The following HPF1 variants were observed in gnomAD, a reference collection of about 807,000 sequenced individuals.
HPF1 encodes histone PARylation factor 1, also known as UPF0609 protein C4orf27.
Under a neutral mutation model 38.8 loss-of-function variants are expected in HPF1, and 35 were observed. That is an observed-to-expected ratio of 0.90 (90% CI 0.69 to 1.19). The LOEUF is 1.19. HPF1 is among the 50% of genes most tolerant of loss of function. HPF1 has a pLI of 0.00. For missense variants in HPF1, 367 were observed against 405.8 expected (o/e 0.90, Z 0.82); for synonymous variants, 115 against 139.2 (o/e 0.83, Z 1.22).
chr4:169,756,229 G>C (rs1228478556), intron 1 of HPF1, among the ~76,000 whole-genome samples: 1 of 152,090 alleles, frequency 6.6e-6, no homozygotes, highest in Non-Finnish European at 1.5e-5. Context: ...TAACCTCATC[G>C]TACAGCTGAG....
At chr4:169,743,879 G>GA (rs757305554) in intron 4 of HPF1, among the ~76,000 whole-genome samples, 6,582 of 146,188 alleles carry the variant, frequency 0.045, 198 homozygotes, top group Admixed American at 0.072. Flanking sequence ...TACTTATCAG[G>GA]AAAAAAAAAA....
intron 5 of HPF1, 52 bp from the exon 6 acceptor site, chr4:169,737,799 A>AG (rs112978253): frequency 1.4e-5 from 16 of 1,119,416 alleles, no homozygotes; most frequent in African/African-American, 8.7e-5. Flanking sequence ...ACATCAAAAA[A>AG]AAAAATCCCC....
At chr4:169,746,992 TAAA>T (rs759955706) in intron 4 of HPF1, among the ~76,000 whole-genome samples, 17 of 142,756 alleles carry the variant, frequency 1.2e-4, no homozygotes, top group African/African-American at 1.8e-4. Flanking sequence ...TATCTTTTTT[TAAA>T]AAAAAAAAAA....
chr4:169,750,480 T>C lies in HPF1; in HGVS notation c.398+56A>G, dbSNP rs1264671129. 3.8e-6 allele frequency: 5 copies of C among 1,308,392 alleles called. No homozygotes were observed. In the East Asian group the frequency reaches 1.2e-4, roughly 31 times the overall value. 81.0% of individuals were successfully genotyped at this position (1,308,392 alleles called of 1,614,324 possible). A position where few individuals can be genotyped will look rare whatever the true frequency, so the allele number is the denominator to read the frequency against. On this transcript the variant is annotated intron_variant, in intron 3 of 7. Transcript: ENST00000393381. ...TGGGTGAGGCTAGTGAATAACTATT[T>C]ATCCTCATTAGCAGGACAGCAGCTG...
chr4:169,734,821 A>G (rs999761855), intron 6 of HPF1, among the ~76,000 whole-genome samples: 2 of 152,240 alleles, frequency 1.3e-5, no homozygotes, highest in African/African-American at 2.4e-5. Flanking sequence ...TACTTCGGAT[A>G]GTAGTATGCA....
intron 6 of HPF1, 65 bp from the exon 7 acceptor site, chr4:169,731,941 TAAG>T (rs1733835791): frequency 5.2e-6 from 7 of 1,337,260 alleles, no homozygotes; most frequent in African/African-American, 1.5e-5. Flanking sequence ...TCTTCAAAAG[TAAG>T]AAGATTATAA....
chr4:169,731,418 A>G (rs1036891307), intron 7 of HPF1, among the ~76,000 whole-genome samples: 3 of 152,240 alleles, frequency 2.0e-5, no homozygotes, highest in African/African-American at 7.2e-5. Context: ...GTGTCTAATG[A>G]GTAAATTCAC....
intron 2 of HPF1, among the ~76,000 whole-genome samples, chr4:169,751,588 G>A (rs1316035757): frequency 2.6e-5 from 4 of 152,022 alleles, no homozygotes; most frequent in Non-Finnish European, 5.9e-5. Flanking sequence ...AAGACATGAA[G>A]TCTGTGCAAG....
chr4:169,756,272 T>C (rs1363636646), intron 1 of HPF1, among the ~76,000 whole-genome samples: 8 of 152,088 alleles, frequency 5.3e-5, no homozygotes, highest in Non-Finnish European at 7.4e-5. Context: ...CGTCCCTAAC[T>C]AGGAAGTGGA....
At chr4:169,745,663 A>G (rs1327261865) in intron 4 of HPF1, among the ~76,000 whole-genome samples, 2 of 152,172 alleles carry the variant, frequency 1.3e-5, no homozygotes, top group African/African-American at 4.8e-5. Context: ...TAATACATGT[A>G]TACTCCAACA....
rs765737535 is a variant in HPF1, at chr4:169,757,872, G to T, written c.6C>A (p.Val2=). M[V]GGGGKRRPGG... ...CGGGCCTGCGCTTCCCGCCACCGCCGACCATTCTGCAGCTGCAGCGCCAGC... is the reference window on the plus strand; with the variant it reads ...CGGGCCTGCGCTTCCCGCCACCGCCTACCATTCTGCAGCTGCAGCGCCAGC... The change falls in exon 1 of 8, where the codon GTC becomes GTA. Residue 2 remains valine, a synonymous_variant. Coordinates refer to ENST00000393381, the MANE Select transcript of HPF1 (RefSeq NM_017867.3). 1 of 1,560,364 alleles carries T rather than the reference G, an allele frequency of 6.4e-7. No individual in the cohort carries two copies. Among genetic ancestry groups the T allele is most frequent in the Admixed American group, 1.8e-5 (1 of 55,008 alleles).
rs141924328 is a variant in HPF1, at chr4:169,741,151, G to C, written c.648+806C>G. 5.2e-4 allele frequency among the ~76,000 whole-genome samples: 79 copies of C among 152,284 alleles called. 1 individual carries two copies. In the East Asian group the frequency reaches 0.015, roughly 29 times the overall value. ...AATGTCACCCCTGCAGCTGAATCAAGATCAGAGAAGGAACTGAAGTAGGAT... is the reference window on the plus strand; with the variant it reads ...AATGTCACCCCTGCAGCTGAATCAACATCAGAGAAGGAACTGAAGTAGGAT... On this transcript the variant is annotated intron_variant, in intron 5 of 7. Transcript: ENST00000393381.
At chr4:169,742,996 G>C (rs1733996981) in intron 4 of HPF1, among the ~76,000 whole-genome samples, 1 of 151,510 alleles carries the variant, frequency 6.6e-6, no homozygotes, top group African/African-American at 2.4e-5. Flanking sequence ...AGCTACCCGG[G>C]AGGCTGGGGT....
chr4:169,746,857 C>T (rs1734054265), intron 4 of HPF1, among the ~76,000 whole-genome samples: 1 of 149,982 alleles, frequency 6.7e-6, no homozygotes, highest in Admixed American at 6.6e-5. Context: ...TGATCTTCAC[C>T]TAAGTTATAA....
chr4:169,742,583 G>T (rs541705403), intron 4 of HPF1, among the ~76,000 whole-genome samples: 1 of 152,282 alleles, frequency 6.6e-6, no homozygotes, highest in East Asian at 1.9e-4. Flanking sequence ...ATGAGGTCAG[G>T]AGATCAAGAC....
intron 7 of HPF1, 93 bp from the exon 8 acceptor site, chr4:169,729,802 G>A: frequency 1.0e-6 from 1 of 956,094 alleles, no homozygotes; most frequent in Non-Finnish European, 1.4e-6. Flanking sequence ...GTTTAACAAA[G>A]GCTACTTCCA....
In HPF1 at chr4:169,731,831, T is replaced by A; in HGVS notation, c.782A>T (p.Asp261Val). 2 of 1,613,560 alleles carry A rather than the reference T, an allele frequency of 1.2e-6. No individual in the cohort carries two copies. Among genetic ancestry groups the A allele is most frequent in the Non-Finnish European group, 8.5e-7 (1 of 1,179,692 alleles). Residue 261 changes from aspartate (D) to valine (V), a missense_variant, in exon 7 of 8, where the codon GAT becomes GTT. Asp to Val is a radical substitution (Grantham distance 152, BLOSUM62 -3). Coordinates refer to ENST00000393381, the MANE Select transcript of HPF1 (RefSeq NM_017867.3). ...AGCAAAAGCTTTTAGTCTCTCCTCA[T>A]CACTTGCAGCCTCAACTATTGTCTT... is the stretch of plus-strand genomic sequence containing the variant. ...ICKTIVEAAS[D>V]EERLKAFAPI... is the part of the protein sequence containing the mutation.
intron 6 of HPF1, chr4:169,732,087 C>A: frequency 2.4e-6 from 1 of 422,232 alleles, no homozygotes; most frequent in African/African-American, 2.1e-5. Context: ...AACAGGTTAA[C>A]AAGTATTTCT....
Position 169,729,586 on chromosome 4 carries a change from C to A in HPF1, c.1033G>T (p.Ala345Ser), listed in dbSNP as rs1295492673. ...AATCAAAGCCACCTTACTCATGCAGCAAGTTGGTCTATGTTCTCTTGACTT... is the reference window on the plus strand; with the variant it reads ...AATCAAAGCCACCTTACTCATGCAGAAAGTTGGTCTATGTTCTCTTGACTT... ...NRSQENIDQLAA is the reference protein window; with the variant it reads ...NRSQENIDQLSA The change falls in exon 8 of 8, where the codon GCT becomes TCT. Residue 345 changes from alanine (A) to serine (S), a missense_variant. Coordinates refer to ENST00000393381, the MANE Select transcript of HPF1 (RefSeq NM_017867.3). The A allele has an allele frequency of 1.9e-6, 3 of 1,538,624 alleles. No individual in the cohort carries two copies. Among genetic ancestry groups the A allele is most frequent in the East Asian group, 2.4e-5 (1 of 41,264 alleles).
Sources: allele counts gnomAD v4.1 joint callset (sites outside exome capture counted in the v4.1 genomes callset), GRCh38; gene constraint gnomAD v4.1.1; transcripts MANE v1.5; gene names NCBI Gene and HGNC (gene_info 2026-07-23, HGNC 2026-07-21).